Variants in FARP2 observed in about 807,000 individuals in gnomAD.
FARP2 encodes FERM, ARH/RhoGEF and pleckstrin domain protein 2.
FARP2 carries 111 observed loss-of-function variants against 130.5 expected under a neutral mutation model. That is an observed-to-expected ratio of 0.85 (90% CI 0.73 to 1.00). The LOEUF (loss-of-function observed/expected upper bound fraction) is 1.00, where lower values mean the gene tolerates loss of function less well. Ranked by LOEUF, FARP2 falls within the 50% of genes least tolerant of loss-of-function variation. The pLI is 0.00. For missense variants in FARP2, 1,385 were observed against 1,346.3 expected (o/e 1.03, Z -0.45); for synonymous variants, 504 against 516.9 (o/e 0.98, Z 0.34).
intron 18 of FARP2, among the ~76,000 whole-genome samples, chr2:241,471,911 GGACC>G (rs2064323833): frequency 1.3e-5 from 2 of 152,286 alleles, no homozygotes; most frequent in Admixed American, 1.3e-4. Context: ...TGTTCTGTGG[GGACC>G]CTGTTCTGAG....
At chr2:241,414,399 GAC>G (rs2062609302) in intron 7 of FARP2, among the ~76,000 whole-genome samples, 2 of 152,176 alleles carry the variant, frequency 1.3e-5, no homozygotes, top group South Asian at 4.1e-4. Context: ...TTGCCTTTGT[GAC>G]ACATCCTGTT....
chr2:241,465,929 C>T (rs997713584), intron 17 of FARP2: 15 of 1,420,060 alleles, frequency 1.1e-5, no homozygotes, highest in East Asian at 5.1e-5. Flanking sequence ...TTTCCTGCCT[C>T]GACGGAAGCT....
chr2:241,442,651 T>G (rs1397072625), intron 13 of FARP2: 2 of 341,602 alleles, frequency 5.9e-6, no homozygotes, highest in Admixed American at 8.0e-5. Flanking sequence ...TATTCAATTT[T>G]TTTTTAATTT....
At chr2:241,378,086 G>A (rs1157044407) in intron 2 of FARP2, among the ~76,000 whole-genome samples, 1 of 151,840 alleles carries the variant, frequency 6.6e-6, no homozygotes, top group Non-Finnish European at 1.5e-5. Flanking sequence ...GGTTTGAGAT[G>A]ATATTTTTAT....
At chr2:241,361,517 G>A (rs1163619908) in intron 1 of FARP2, among the ~76,000 whole-genome samples, 3 of 152,196 alleles carry the variant, frequency 2.0e-5, no homozygotes, top group Non-Finnish European at 4.4e-5. Context: ...AGGCAGAGTT[G>A]CAGTGGGAAA....
At chr2:241,462,330 A>G (rs949235581) in intron 14 of FARP2, among the ~76,000 whole-genome samples, 193 bp from the exon 15 acceptor site, 4 of 152,256 alleles carry the variant, frequency 2.6e-5, no homozygotes, top group African/African-American at 9.6e-5. Flanking sequence ...TTGAACAGCA[A>G]TTCTTTTTTC....
At chr2:241,456,675 A>G in intron 13 of FARP2, 72 bp from the exon 14 acceptor site, 5 of 1,482,882 alleles carry the variant, frequency 3.4e-6, no homozygotes. Context: ...TCAGGAGAGT[A>G]GTAGCGGCTC....
chr2:241,448,944 G>A (rs1022857035), intron 13 of FARP2, among the ~76,000 whole-genome samples: 3 of 152,212 alleles, frequency 2.0e-5, no homozygotes, highest in Admixed American at 6.5e-5. Context: ...GGGTAGGGAG[G>A]TGAGCTGAAT....
chr2:241,401,685 G>C (rs970127038), intron 2 of FARP2, among the ~76,000 whole-genome samples: 1 of 151,726 alleles, frequency 6.6e-6, no homozygotes, highest in East Asian at 1.9e-4. Flanking sequence ...ATTAAACTAT[G>C]TGTTGTAGAC....
intron 19 of FARP2, among the ~76,000 whole-genome samples, chr2:241,480,866 G>A (rs540361713): frequency 5.5e-4 from 83 of 152,176 alleles, no homozygotes; most frequent in African/African-American, 1.8e-3. Context: ...TCTTTTGCAT[G>A]TGGAGGTCCA....
chr2:241,429,906 A>C (rs2063049779), intron 8 of FARP2, among the ~76,000 whole-genome samples: 1 of 152,344 alleles, frequency 6.6e-6, no homozygotes, highest in South Asian at 2.1e-4. Flanking sequence ...TTAAGGAAAG[A>C]AAGGTTACTT....
At chr2:241,393,316 G>A (rs1340087404) in intron 2 of FARP2, among the ~76,000 whole-genome samples, 1 of 152,190 alleles carries the variant, frequency 6.6e-6, no homozygotes, top group Middle Eastern at 3.4e-3. Context: ...CACTGCACCC[G>A]GCCTCCTTAT....
At chr2:241,456,719 CT>C in intron 13 of FARP2, 27 bp from the exon 14 acceptor site, 4 of 1,613,182 alleles carry the variant, frequency 2.5e-6, no homozygotes, top group Non-Finnish European at 3.4e-6. Context: ...TCATTTCTCG[CT>C]CCATCCCCCT....
chr2:241,476,580 G>C (rs2064472097), intron 19 of FARP2, among the ~76,000 whole-genome samples: 1 of 151,924 alleles, frequency 6.6e-6, no homozygotes, highest in Non-Finnish European at 1.5e-5. Flanking sequence ...TCCCAGCTAC[G>C]CAGGAGGCTG....
At chr2:241,360,979 A>C (rs1377529247) in intron 1 of FARP2, among the ~76,000 whole-genome samples, 5 of 152,204 alleles carry the variant, frequency 3.3e-5, no homozygotes, top group Middle Eastern at 3.4e-3. Flanking sequence ...GTGTCCCAGA[A>C]AAACAGGTGT....
chr2:241,465,578 G>A, intron 17 of FARP2: 1 of 1,550,602 alleles, frequency 6.4e-7, no homozygotes, highest in African/African-American at 1.4e-5. Flanking sequence ...AACGGTACAG[G>A]TGTTCACATG....
At chr2:241,370,454 T>C (rs2061399955) in intron 1 of FARP2, among the ~76,000 whole-genome samples, 1 of 152,250 alleles carries the variant, frequency 6.6e-6, no homozygotes, top group South Asian at 2.1e-4. Flanking sequence ...AGGTCTTGCA[T>C]ATGTTAATTG....
chr2:241,380,932 A>T (rs2061646616), intron 2 of FARP2, among the ~76,000 whole-genome samples: 1 of 152,096 alleles, frequency 6.6e-6, no homozygotes, highest in African/African-American at 2.4e-5. Flanking sequence ...CTCCATGACC[A>T]GTGTGCCCAT....
At chr2:241,364,803 C>T (rs554922832) in intron 1 of FARP2, among the ~76,000 whole-genome samples, 1 of 152,104 alleles carries the variant, frequency 6.6e-6, no homozygotes, top group East Asian at 1.9e-4. Flanking sequence ...ACAACTATTC[C>T]TTCACAGTCA....
Sources: allele counts gnomAD v4.1 joint callset (sites outside exome capture counted in the v4.1 genomes callset), GRCh38; gene constraint gnomAD v4.1.1; transcripts MANE v1.5; gene names NCBI Gene and HGNC (gene_info 2026-07-23, HGNC 2026-07-21).